JMJD1C: variants seen among roughly 807,000 people sequenced by gnomAD.
The protein encoded by JMJD1C is jumonji domain containing 1C, also known as jumonji domain-containing protein 1C.
Under a neutral mutation model 245.3 loss-of-function variants are expected in JMJD1C, and 31 were observed. That is an observed-to-expected ratio of 0.13 (90% CI 0.09 to 0.17). The LOEUF is 0.17. Ranked by LOEUF, JMJD1C falls within the 10% of genes least tolerant of loss-of-function variation. The pLI is 1.00. For missense variants in JMJD1C, 2,691 were observed against 3,000.2 expected, an observed-to-expected ratio of 0.90 and a Z score of 2.41; for synonymous variants, 1,057 against 1,017.4, an observed-to-expected ratio of 1.04 and a Z score of -0.74.
intron 2 of JMJD1C, among the ~76,000 whole-genome samples, chr10:63,323,396 T>TG (rs1414719635): frequency 6.7e-6 from 1 of 150,252 alleles, no homozygotes; most frequent in African/African-American, 2.4e-5. Flanking sequence ...GGCACGCACC[T>TG]GGAATCCCAG....
intron 2 of JMJD1C, among the ~76,000 whole-genome samples, chr10:63,267,908 A>AT (rs1441201183): frequency 6.6e-6 from 1 of 152,152 alleles, no homozygotes; most frequent in Non-Finnish European, 1.5e-5. Flanking sequence ...GCTGCACCAC[A>AT]TTCCATTCAC....
chr10:63,250,093 C>G (rs2133614510), intron 3 of JMJD1C, among the ~76,000 whole-genome samples: 1 of 152,108 alleles, frequency 6.6e-6, no homozygotes, highest in East Asian at 1.9e-4. Context: ...CACTACAGCC[C>G]CTTCAACTCC....
chr10:63,297,402 C>T (rs751123020), intron 2 of JMJD1C, among the ~76,000 whole-genome samples: 14 of 152,190 alleles, frequency 9.2e-5, no homozygotes, highest in Non-Finnish European at 2.1e-4. Context: ...TAGGAGCTAC[C>T]TACTTCAGGT....
In JMJD1C at chr10:63,380,358, G is replaced by C. The variant is rs1322115359; in HGVS notation, c.293C>G (p.Thr98Ser). ...IWAKRNDPSQTQGSKSKQIQW... is the reference protein window; with the variant it reads ...IWAKRNDPSQSQGSKSKQIQW... ...AATCTGTTTGCTCTTTGATCCCTGA[G>C]TCTGGCTAGGGTCATTCCTTTTGGC... The change falls in exon 2 of 26, where the codon ACT becomes AGT. Residue 98 changes from threonine (T) to serine (S), a missense_variant. Coordinates refer to ENST00000399262, the MANE Select transcript of JMJD1C (RefSeq NM_032776.3). The C allele has an allele frequency of 1.2e-6, 2 of 1,613,990 alleles. No individual in the cohort carries two copies.
chr10:63,346,677 T>C (rs967836103), intron 2 of JMJD1C, among the ~76,000 whole-genome samples: 14 of 152,030 alleles, frequency 9.2e-5, no homozygotes, highest in African/African-American at 3.1e-4. Context: ...TACCACAGCC[T>C]CTCTGAATCT....
chr10:63,380,890 T>G (rs1200268082), intron 1 of JMJD1C, among the ~76,000 whole-genome samples: 2 of 152,296 alleles, frequency 1.3e-5, no homozygotes, highest in South Asian at 2.1e-4. Context: ...AGTAGATCTA[T>G]CATAGGATCT....
rs943059686 is a variant in JMJD1C at position 63,507,830 on chromosome 10, G to A, written n.113+13908C>T. On this transcript the variant is annotated intron_variant and non_coding_transcript_variant, in intron 1 of 3. Transcript: ENST00000633035. ...CATTTTCCTGACAACATATGATGTGGTACATCTTTTCACGTGTTTACCTGC... is the reference window on the plus strand; with the variant it reads ...CATTTTCCTGACAACATATGATGTGATACATCTTTTCACGTGTTTACCTGC... Among the ~76,000 whole-genome samples the A allele has an allele frequency of 4.6e-5, 7 of 152,008 alleles. No homozygotes were observed. The East Asian group carries it at 7.7e-4, about 17-fold the overall frequency.
Position 63,213,931 on chromosome 10 carries a change from T to C in JMJD1C, c.2236A>G (p.Arg746Gly), listed in dbSNP as rs952697445. The C allele has an allele frequency of 4.3e-6, 7 of 1,614,140 alleles. No individual in the cohort carries two copies. In the East Asian group the frequency reaches 1.6e-4, roughly 36 times the overall value. The change falls in exon 8 of 26, where the codon AGA becomes GGA. Residue 746 changes from arginine (R) to glycine (G), a missense_variant. Arg to Gly is a moderately radical substitution (Grantham distance 125). Around this residue, in one of 9 missense-constraint regions of JMJD1C, gnomAD observed 1,562 missense variants for 1,490.7 expected, o/e 1.05. Coordinates refer to ENST00000399262, the MANE Select transcript of JMJD1C (RefSeq NM_032776.3). ...TGGGTACCTGGATTTAAACAGGTTC[T>C]ATGAGATGAGGAGTGAAGAGGAAAA... ...HPFPLHSSSH[R>G]TCLNPGTHHP...
rs117389900 is a variant in JMJD1C, at chr10:63,271,504, T to C, written c.334-6740A>G. On this transcript the variant is annotated intron_variant, in intron 2 of 25. Coordinates refer to ENST00000399262, the MANE Select transcript of JMJD1C (RefSeq NM_032776.3). ...TAAATAGTCTTTTATTATAAATGTA[T>C]CCCTATGGAGAAATCTCAATTTCAG... 1.4e-3 allele frequency among the ~76,000 whole-genome samples: 211 copies of C among 152,230 alleles called. 4 individuals carry two copies. In the East Asian group the frequency reaches 0.033, roughly 24 times the overall value.
At chr10:63,492,156 C>T (rs1176413235) in intron 1 of JMJD1C, among the ~76,000 whole-genome samples, 1 of 152,198 alleles carries the variant, frequency 6.6e-6, no homozygotes, top group Non-Finnish European at 1.5e-5. Context: ...GCCTCAGCCC[C>T]GGAAGCAGCT....
intron 1 of JMJD1C, among the ~76,000 whole-genome samples, chr10:63,389,899 C>T (rs1210558218): frequency 6.6e-6 from 1 of 151,992 alleles, no homozygotes; most frequent in East Asian, 1.9e-4. Context: ...TAAAGTAGTG[C>T]TAAGATGGAA....
At chr10:63,201,782 T>A (rs896595028) in intron 10 of JMJD1C, among the ~76,000 whole-genome samples, 1 of 151,666 alleles carries the variant, frequency 6.6e-6, no homozygotes, top group African/African-American at 2.4e-5. Flanking sequence ...TACAAAAAAT[T>A]AGCCTGGCAT....
Position 63,361,614 on chromosome 10 carries a change from T to TC in JMJD1C, c.333+18703dup, listed in dbSNP as rs1372200219. On this transcript the variant is annotated intron_variant, in intron 2 of 25. Transcript: ENST00000399262. ...TCCTCTCAATTTTATTTACAGCATG[T>TC]CTTAAGTTAAGGACTCAGTAAGAAT... 8.6e-5 allele frequency among the ~76,000 whole-genome samples: 13 copies of TC among 150,428 alleles called. No individual in the cohort carries two copies. In the East Asian group the frequency reaches 2.4e-3, roughly 27 times the overall value.
At position 63,251,961 on chromosome 10, in the gene JMJD1C, C is replaced by G. The variant is rs1388946375; in HGVS notation, c.447+12690G>C. 2.0e-5 allele frequency among the ~76,000 whole-genome samples: 3 copies of G among 152,158 alleles called. No individual in the cohort carries two copies. In the East Asian group the frequency reaches 5.8e-4, roughly 29 times the overall value. On this transcript the variant is annotated intron_variant, in intron 3 of 25. Coordinates refer to ENST00000399262, the MANE Select transcript of JMJD1C (RefSeq NM_032776.3). Reference sequence around the variant, plus strand: ...CAGGAGGTGGAGGCTGCAGTTGAGACAAGATCGTGCCACTGCACTCCAGCC... The same window carrying G: ...CAGGAGGTGGAGGCTGCAGTTGAGAGAAGATCGTGCCACTGCACTCCAGCC...
At chr10:63,464,935 G>A (rs1418597658) in intron 1 of JMJD1C, among the ~76,000 whole-genome samples, 2 of 152,156 alleles carry the variant, frequency 1.3e-5, no homozygotes, top group African/African-American at 4.8e-5. Context: ...GGATGAATCC[G>A]GGCACAGCCA....
chr10:63,520,562 C>G (rs753407919), intron 1 of JMJD1C, among the ~76,000 whole-genome samples: 21 of 145,674 alleles, frequency 1.4e-4, no homozygotes, highest in Non-Finnish European at 2.5e-4. Flanking sequence ...TTTGCAAGAA[C>G]AGCAAGGTGT....
chr10:63,169,618 G>C (rs1256049425), intron 24 of JMJD1C, among the ~76,000 whole-genome samples: 2 of 152,144 alleles, frequency 1.3e-5, no homozygotes, highest in Non-Finnish European at 2.9e-5. Context: ...ATGACCACCT[G>C]AACAGCTGCT....
intron 3 of JMJD1C, among the ~76,000 whole-genome samples, chr10:63,236,581 A>G (rs1292413585): frequency 6.6e-6 from 1 of 152,184 alleles, no homozygotes; most frequent in Non-Finnish European, 1.5e-5. Context: ...ACCTGCTTAC[A>G]GCATCTGCCA....
At chr10:63,243,103 TTA>T (rs10607355) in intron 3 of JMJD1C, among the ~76,000 whole-genome samples, 9,812 of 120,086 alleles carry the variant, frequency 0.082, 960 homozygotes, top group African/African-American at 0.22. Context: ...CTAACATAAA[TTA>T]TATATATATA....
Sources: allele counts gnomAD v4.1 joint callset (sites outside exome capture counted in the v4.1 genomes callset), GRCh38; gene constraint gnomAD v4.1.1; regional missense constraint gnomAD v4.1.1; transcripts MANE v1.5; gene names NCBI Gene and HGNC (gene_info 2026-07-23, HGNC 2026-07-21).